The following ZNF106 variants were observed in gnomAD, a reference collection of about 807,000 sequenced individuals.
ZNF106 encodes the protein SH3-domain binding protein 3.
A neutral mutation model predicts 195.1 loss-of-function variants in ZNF106; 67 were observed. That is an observed-to-expected ratio of 0.34 (90% confidence interval 0.28 to 0.42). The LOEUF (loss-of-function observed/expected upper bound fraction) is 0.42, where lower values mean the gene tolerates loss of function less well. Ranked by LOEUF, ZNF106 falls within the 10% of genes least tolerant of loss-of-function variation. ZNF106 has a pLI of 1.00. For missense variants in ZNF106, 2,118 were observed against 2,304.5 expected (o/e 0.92, Z 1.66); for synonymous variants, 784 against 818.6 (o/e 0.96, Z 0.72).
intron 2 of ZNF106, among the ~76,000 whole-genome samples, chr15:42,466,545 G>C (rs2056520296): frequency 6.6e-6 from 1 of 151,974 alleles, no homozygotes; most frequent in Non-Finnish European, 1.5e-5. Flanking sequence ...CTTTACCCAT[G>C]TCTTGGACAG....
Position 42,451,668 on chromosome 15 carries a change from T to C in ZNF106, c.604A>G (p.Ser202Gly), listed in dbSNP as rs1264225515. 6.2e-7 allele frequency: 1 copy of C among 1,614,210 alleles called. No homozygotes were observed. Among genetic ancestry groups the C allele is most frequent in the South Asian group, 1.1e-5 (1 of 91,086 alleles). ...GGSSTWFHNHSNSGGGWLSNS... is the reference protein window; with the variant it reads ...GGSSTWFHNHGNSGGGWLSNS... ...GAAAGCCAACCACCTCCAGAATTACTATGGTTGTGAAACCAAGTCGAGGAG... is the reference window on the plus strand; with the variant it reads ...GAAAGCCAACCACCTCCAGAATTACCATGGTTGTGAAACCAAGTCGAGGAG... The change falls in exon 5 of 22, where the codon AGT becomes GGT. Residue 202 changes from serine to glycine, a missense_variant. Transcript: ENST00000564754.
Position 42,424,849 on chromosome 15 carries a change from G to A in ZNF106, c.5175C>T (p.Thr1725=). 1.9e-6 allele frequency: 3 copies of A among 1,614,000 alleles called. No individual in the cohort carries two copies. The highest frequency in any genetic ancestry group is 2.5e-6 in the Non-Finnish European group (3 of 1,179,968). The part of the protein sequence containing the change: ...LLRTLEGHSK[T]ILCMKVVNDL... ...CTGTACTTGCCTTCATGCAAAGAAT[G>A]GTTTTGCTATGGCCCTCCAGAGTTC... The change falls in exon 16 of 22, where the codon ACC becomes ACT. Residue 1725 remains threonine (T), a synonymous_variant. Coordinates refer to ENST00000564754, the MANE Select transcript of ZNF106 (RefSeq NM_001366845.3).
At chr15:42,443,216 C>T (rs1006841116) in intron 9 of ZNF106, among the ~76,000 whole-genome samples, 2 of 152,116 alleles carry the variant, frequency 1.3e-5, no homozygotes, top group South Asian at 4.1e-4. Context: ...GTTATATAGG[C>T]TACTAATGGA....
chr15:42,446,725 G>T, intron 6 of ZNF106, 67 bp from the exon 7 acceptor site: 2 of 1,339,770 alleles, frequency 1.5e-6, no homozygotes, highest in South Asian at 2.7e-5. Flanking sequence ...GGAGAAAAAG[G>T]AATCAATTCT....
rs765506352 is a variant in ZNF106 at position 42,421,952 on chromosome 15, C to A, written c.5410G>T (p.Asp1804Tyr). The part of the protein sequence containing the change: ...DRLQVYGGHK[D>Y]MIMCMTIHKS... ...TGGATGGTCATACACATAATCATGTCTTTGTGTCCTCCATAAACTTGTAAT... is the reference window on the plus strand; with the variant it reads ...TGGATGGTCATACACATAATCATGTATTTGTGTCCTCCATAAACTTGTAAT... The change falls in exon 19 of 22, where the codon GAC (aspartate) becomes TAC (tyrosine). Residue 1804 changes from aspartate to tyrosine, a missense_variant. Transcript: ENST00000564754. 2.5e-6 allele frequency: 4 copies of A among 1,585,430 alleles called. No homozygotes were observed. The highest frequency in any genetic ancestry group is 3.4e-6 in the Non-Finnish European group (4 of 1,164,000).
chr15:42,417,428 A>G, intron 21 of ZNF106, 68 bp from the exon 22 acceptor site: 2 of 1,594,724 alleles, frequency 1.3e-6, no homozygotes, highest in Non-Finnish European at 1.7e-6. Context: ...GTCAAAGCCA[A>G]GGAAAGCCAT....
In ZNF106 at chr15:42,470,219, G is replaced by C. The variant is rs568293487; in HGVS notation, c.54+2017C>G. ...ATGTTAATGGGCCTCAGGATACTCAGGGATACCTTACACAGCTTTTCCCCA... is the reference window on the plus strand; with the variant it reads ...ATGTTAATGGGCCTCAGGATACTCACGGATACCTTACACAGCTTTTCCCCA... On this transcript the variant is annotated intron_variant, in intron 2 of 21. Coordinates refer to ENST00000564754, the MANE Select transcript of ZNF106 (RefSeq NM_001366845.3). Among the ~76,000 whole-genome samples, 9 of 152,210 alleles carry C rather than the reference G, an allele frequency of 5.9e-5. No homozygotes were observed. The South Asian group carries it at 1.9e-3, about 32-fold the overall frequency.
rs1305866320 is a variant in ZNF106, at chr15:42,457,166, AAG to A, written c.117-10_117-9del. 1 of 1,614,164 alleles carries A rather than the reference AAG, an allele frequency of 6.2e-7. No homozygotes were observed. The highest frequency in any genetic ancestry group is 1.1e-5 in the South Asian group (1 of 91,074). On this transcript the variant is annotated splice_polypyrimidine_tract_variant and intron_variant, in intron 3 of 21. Transcript: ENST00000564754. ...CACTCATGACTAATGTCCCTAGGGA[AAG>A]AGGGAGATGAGGGACATTCAATTCT...
chr15:42,480,681 T>C (rs569860428), intron 1 of ZNF106, among the ~76,000 whole-genome samples: 1 of 152,300 alleles, frequency 6.6e-6, no homozygotes, highest in East Asian at 1.9e-4. Context: ...TTATACTCTT[T>C]ACTGTGTTAA....
intron 1 of ZNF106, among the ~76,000 whole-genome samples, chr15:42,486,008 A>G (rs756961578): frequency 3.5e-5 from 5 of 142,108 alleles, no homozygotes; most frequent in African/African-American, 1.1e-4. Flanking sequence ...GCCAGGCTGG[A>G]GTGTGGTGGC....
At chr15:42,438,832 C>G (rs1200213762) in intron 11 of ZNF106, among the ~76,000 whole-genome samples, 165 bp from the exon 12 acceptor site, 1 of 152,118 alleles carries the variant, frequency 6.6e-6, no homozygotes, top group Non-Finnish European at 1.5e-5. Flanking sequence ...GAAATAAAAG[C>G]AGAGTGAATA....
chr15:42,457,056 G>C lies in ZNF106; in HGVS notation c.219C>G (p.Ala73=), dbSNP rs758982400. ...SGQLHKDNVD[A]QEREDDGKGE... is the part of the protein sequence containing the mutation. ...CTTTTCCATCATCTTCTCTTTCCTG[G>C]GCATCAACGTTATCTTTGTGCAACT... is the stretch of plus-strand genomic sequence containing the variant. Residue 73 remains alanine, a synonymous_variant, in exon 4 of 22, where the codon GCC becomes GCG. Transcript: ENST00000564754. 2 of 1,610,852 alleles carry C rather than the reference G, an allele frequency of 1.2e-6. No individual in the cohort carries two copies. Among genetic ancestry groups the C allele is most frequent in the Non-Finnish European group, 8.5e-7 (1 of 1,178,432 alleles).
intron 1 of ZNF106, among the ~76,000 whole-genome samples, chr15:42,480,587 GT>G (rs902994536): frequency 2.6e-5 from 4 of 152,030 alleles, no homozygotes; most frequent in Admixed American, 6.6e-5. Flanking sequence ...TTTTCTACTA[GT>G]TTTTTTTTAG....
chr15:42,489,573 A>G (rs888156231), intron 1 of ZNF106, among the ~76,000 whole-genome samples: 5 of 152,206 alleles, frequency 3.3e-5, no homozygotes, highest in Non-Finnish European at 7.3e-5. Flanking sequence ...AACTCTAGGC[A>G]TGGCGCGGTA....
chr15:42,450,348 T>C lies in ZNF106; in HGVS notation c.1924A>G (p.Thr642Ala). The part of the protein sequence containing the change: ...SATTELLSGS[T>A]RTADEKEEDD... ...TCCTCTTTCTCATCAGCAGTTCGAG[T>C]GCTGCCAGATAACAATTCTGTAGTT... Residue 642 changes from threonine to alanine, a missense_variant, in exon 5 of 22, where the codon ACT (threonine) becomes GCT (alanine). By Grantham distance (58) the Thr-to-Ala change is moderately conservative. Transcript: ENST00000564754. 1 of 1,614,212 alleles carries C rather than the reference T, an allele frequency of 6.2e-7. No homozygotes were observed. The highest frequency in any genetic ancestry group is 1.1e-5 in the South Asian group (1 of 91,088).
chr15:42,473,177 G>A (rs1223610675), intron 1 of ZNF106, among the ~76,000 whole-genome samples: 3 of 152,126 alleles, frequency 2.0e-5, no homozygotes, highest in Non-Finnish European at 4.4e-5. Context: ...GGAATGTTCC[G>A]ATTTGGGATG....
intron 1 of ZNF106, among the ~76,000 whole-genome samples, chr15:42,482,520 C>T (rs533129824): frequency 2.2e-4 from 26 of 116,108 alleles, no homozygotes; most frequent in African/African-American, 9.7e-4. Flanking sequence ...ATGAAATCTC[C>T]AGTTTTTTTT....
Position 42,451,240 on chromosome 15 carries a change from G to A in ZNF106, c.1032C>T (p.Ser344=). 1 of 1,614,082 alleles carries A rather than the reference G, an allele frequency of 6.2e-7. No individual in the cohort carries two copies. The highest frequency in any genetic ancestry group is 1.3e-5 in the African/African-American group (1 of 75,026). The change falls in exon 5 of 22, where the codon AGC becomes AGT. Residue 344 remains serine, a synonymous_variant. Coordinates refer to ENST00000564754, the MANE Select transcript of ZNF106 (RefSeq NM_001366845.3). ...CAGTGTCTGCTTGTTTAGTGGTTTG[G>A]CTTTCCAGCTGCTCAAAATTGAAGT... ...LLDFNFEQLE[S]QTTKQADTAT...
In ZNF106 at chr15:42,449,968, G is replaced by T. The variant is rs761611408; in HGVS notation, c.2304C>A (p.His768Gln). 6.2e-7 allele frequency: 1 copy of T among 1,614,184 alleles called. No individual in the cohort carries two copies. Among genetic ancestry groups the T allele is most frequent in the Non-Finnish European group, 8.5e-7 (1 of 1,180,032 alleles). ...CACTATTGAGGTTTGGCTCAGGAAG[G>T]TGTACTCCAGTTTTGCTCTTCAAAC... Reference protein sequence around the residue: ...HISLKSKTGVHLPEPNLNSAR... With the variant: ...HISLKSKTGVQLPEPNLNSAR... The change falls in exon 5 of 22, where the codon CAC becomes CAA. Residue 768 changes from histidine to glutamine, a missense_variant. Physicochemically the swap from His to Gln is conservative, Grantham distance 24 (BLOSUM62 0). Transcript: ENST00000564754.
Sources: allele counts gnomAD v4.1 joint callset (sites outside exome capture counted in the v4.1 genomes callset), GRCh38; gene constraint gnomAD v4.1.1; transcripts MANE v1.5; gene names NCBI Gene and HGNC (gene_info 2026-07-23, HGNC 2026-07-21).